Variants in PLXNA2 observed in about 807,000 individuals in gnomAD.
PLXNA2 encodes plexin-A2.
In PLXNA2, 91 loss-of-function variants were observed where a neutral mutation model predicts 193.5. That is an observed-to-expected ratio of 0.47 (90% CI 0.40 to 0.56). The LOEUF is 0.56. Among genes scored for constraint, PLXNA2 ranks in the 20% least tolerant of loss-of-function variants. The pLI, the probability that PLXNA2 is intolerant of heterozygous loss-of-function variation, is 0.00. For missense variants in PLXNA2, 1,995 were observed against 2,503.2 expected, an observed-to-expected ratio of 0.80 and a Z score of 4.33; for synonymous variants, 997 against 1,027.3, an observed-to-expected ratio of 0.97 and a Z score of 0.56.
chr1:208,205,900 A>T (rs923526255), intron 3 of PLXNA2, among the ~76,000 whole-genome samples: 1 of 152,224 alleles, frequency 6.6e-6, no homozygotes, highest in African/African-American at 2.4e-5. Flanking sequence ...CTTAATGGAT[A>T]AGCCAGCAGA....
chr1:208,083,616 G>A (rs1053670450), intron 10 of PLXNA2, among the ~76,000 whole-genome samples: 2 of 151,944 alleles, frequency 1.3e-5, no homozygotes, highest in Non-Finnish European at 2.9e-5. Flanking sequence ...TCTCCCAGGC[G>A]AATTAGCTTC....
chr1:208,190,404 T>C (rs1006614330), intron 3 of PLXNA2, among the ~76,000 whole-genome samples: 4 of 152,224 alleles, frequency 2.6e-5, no homozygotes, highest in Non-Finnish European at 4.4e-5. Context: ...CCCTGAGTCT[T>C]AGTTTTCTTA....
intron 3 of PLXNA2, among the ~76,000 whole-genome samples, chr1:208,179,988 C>G (rs1241271810): frequency 3.3e-5 from 5 of 152,038 alleles, no homozygotes; most frequent in Admixed American, 6.6e-5. Context: ...AAGCAAATAC[C>G]CAAGCCCTGG....
At chr1:208,162,720 T>C (rs1411762845) in intron 3 of PLXNA2, among the ~76,000 whole-genome samples, 1 of 152,140 alleles carries the variant, frequency 6.6e-6, no homozygotes, top group Non-Finnish European at 1.5e-5. Context: ...CTCTATGAGG[T>C]AGGTCCTGTT....
At chr1:208,072,258 A>G (rs534158747) in intron 12 of PLXNA2, among the ~76,000 whole-genome samples, 1 of 152,228 alleles carries the variant, frequency 6.6e-6, no homozygotes, top group African/African-American at 2.4e-5. Context: ...TTCACAAAGT[A>G]AAAGCTACAT....
At position 208,028,223 on chromosome 1, in the gene PLXNA2, G is replaced by A. The variant is rs1040054360; in HGVS notation, c.5439-64C>T. ...GCAAACATTTACCTATAGCTACCCC[G>A]GGCCCAGGTCCTTCGAGGGCACTGA... is the stretch of plus-strand genomic sequence containing the variant. On this transcript the variant is annotated intron_variant, in intron 30 of 31. Coordinates refer to ENST00000367033, the MANE Select transcript of PLXNA2 (RefSeq NM_025179.4). This position sits in a 1 kb window ranked among gnomAD's most constrained non-coding sequence, Gnocchi z 4.2. The A allele has an allele frequency of 2.2e-5, 33 of 1,490,996 alleles. No homozygotes were observed. Among genetic ancestry groups the A allele is most frequent in the Middle Eastern group, 1.8e-4 (1 of 5,410 alleles). 92.4% of individuals were successfully genotyped at this position (1,490,996 alleles called of 1,614,324 possible).
chr1:208,221,660 G>A (rs1357242255), intron 1 of PLXNA2, among the ~76,000 whole-genome samples: 2 of 152,112 alleles, frequency 1.3e-5, no homozygotes, highest in African/African-American at 2.4e-5. Context: ...GACTTCAAGG[G>A]CACGTTGAGA....
chr1:208,212,419 T>C (rs1001986520), intron 2 of PLXNA2, among the ~76,000 whole-genome samples: 4 of 152,210 alleles, frequency 2.6e-5, no homozygotes, highest in South Asian at 2.1e-4. Flanking sequence ...TGTGTGTGTA[T>C]ATTCTTCAGG....
In PLXNA2 at chr1:208,033,334, C is replaced by T. The variant is rs944620565; in HGVS notation, c.5040G>A (p.Arg1680=). 7 of 1,612,908 alleles carry T rather than the reference C, an allele frequency of 4.3e-6. No individual in the cohort carries two copies. The highest frequency in any genetic ancestry group is 1.7e-5 in the Admixed American group (1 of 59,978). Residue 1680 remains arginine, a synonymous_variant, in exon 28 of 32, where the codon CGG becomes CGA. Transcript: ENST00000367033. ...GGGGAGTTACCTTGGTGGCCAGTAGCCGGGTCAGGTAGATCTCGGACACCA... is the reference window on the plus strand; with the variant it reads ...GGGGAGTTACCTTGGTGGCCAGTAGTCGGGTCAGGTAGATCTCGGACACCA... ...SKMVSEIYLT[R]LLATKGTLQK...
At chr1:208,234,553 C>T (rs188007717) in intron 1 of PLXNA2, among the ~76,000 whole-genome samples, 7 of 152,294 alleles carry the variant, frequency 4.6e-5, no homozygotes, top group Admixed American at 2.0e-4. Flanking sequence ...TCTCCCCAGA[C>T]ATCCTGCTAG....
At chr1:208,159,018 G>A (rs1302664568) in intron 3 of PLXNA2, among the ~76,000 whole-genome samples, 2 of 152,206 alleles carry the variant, frequency 1.3e-5, no homozygotes, top group East Asian at 3.9e-4. Context: ...GGGAGGGAGA[G>A]CCGCATAGGC....
chr1:208,121,788 T>C (rs2102450398), intron 4 of PLXNA2, among the ~76,000 whole-genome samples: 1 of 152,196 alleles, frequency 6.6e-6, no homozygotes, highest in Non-Finnish European at 1.5e-5. Flanking sequence ...ACTCCATTAC[T>C]CCACAAACCC....
intron 5 of PLXNA2, among the ~76,000 whole-genome samples, chr1:208,100,539 A>G (rs1018822490): frequency 2.0e-5 from 3 of 152,104 alleles, no homozygotes; most frequent in African/African-American, 7.2e-5. Context: ...CTCCAGAGAA[A>G]TTTTTAAGAA....
At position 208,045,820 on chromosome 1, in the gene PLXNA2, G is replaced by A. The variant is rs552712630; in HGVS notation, c.3495+58C>T. 6.2e-5 allele frequency: 99 copies of A among 1,599,196 alleles called. No homozygotes were observed. In the African/African-American group the frequency reaches 1.2e-3, roughly 19 times the overall value. ...AGAAAGAAAGTCAGGCCAGGAGCGA[G>A]GGGCGCCCTCTGGCATTGCTGCCCC... On this transcript the variant is annotated intron_variant, in intron 18 of 31. Transcript: ENST00000367033.
At chr1:208,132,664 CT>C (rs1323718468) in intron 4 of PLXNA2, among the ~76,000 whole-genome samples, 2 of 152,064 alleles carry the variant, frequency 1.3e-5, no homozygotes, top group African/African-American at 4.8e-5. Flanking sequence ...GGTGGTTAAG[CT>C]TTTTTTAGGT....
intron 3 of PLXNA2, among the ~76,000 whole-genome samples, chr1:208,147,875 C>G (rs114505587): frequency 6.6e-6 from 1 of 152,180 alleles, no homozygotes; most frequent in Non-Finnish European, 1.5e-5. Context: ...GGACAATCTC[C>G]TATTTCCTGG....
intron 4 of PLXNA2, among the ~76,000 whole-genome samples, chr1:208,108,073 T>C (rs940508678): frequency 1.3e-5 from 2 of 152,164 alleles, no homozygotes; most frequent in African/African-American, 4.8e-5. Context: ...GTGCCTTCCT[T>C]GGCCTGATTC....
chr1:208,205,635 T>C (rs1331413838), intron 3 of PLXNA2, among the ~76,000 whole-genome samples: 1 of 152,208 alleles, frequency 6.6e-6, no homozygotes, highest in Non-Finnish European at 1.5e-5. Flanking sequence ...GCAGTATCAT[T>C]GAGAAGATCT....
At chr1:208,135,231 T>A (rs1668267967) in intron 4 of PLXNA2, among the ~76,000 whole-genome samples, 1 of 152,164 alleles carries the variant, frequency 6.6e-6, no homozygotes, top group South Asian at 2.1e-4. Context: ...TCCAAATAAT[T>A]TTTGTTTCTG....
Sources: allele counts gnomAD v4.1 joint callset (sites outside exome capture counted in the v4.1 genomes callset), GRCh38; gene constraint gnomAD v4.1.1; non-coding constraint Gnocchi (gnomAD v3.1); transcripts MANE v1.5; gene names NCBI Gene and HGNC (gene_info 2026-07-23, HGNC 2026-07-21).